Variants in CD96 observed in about 807,000 individuals in gnomAD.
CD96 encodes the protein T-cell surface protein tactile.
CD96 carries 70 observed loss-of-function variants against 71.3 expected under a neutral mutation model. That is an observed-to-expected ratio of 0.98 (90% CI 0.81 to 1.20). CD96 has a LOEUF of 1.20. Among genes scored for constraint, CD96 ranks in the 50% most tolerant of loss-of-function variants. The pLI is 0.00. For synonymous variants in CD96, 248 were observed against 233.0 expected, an observed-to-expected ratio of 1.06 and a Z score of -0.59; for missense variants, 742 against 677.5, an observed-to-expected ratio of 1.10 and a Z score of -1.06.
At chr3:111,645,559 C>A (rs1939791413) in intron 12 of CD96, among the ~76,000 whole-genome samples, 1 of 152,054 alleles carries the variant, frequency 6.6e-6, no homozygotes, top group Admixed American at 6.6e-5. Context: ...TTTCCTTTAT[C>A]TAAAACTTTG....
downstream of CD96, among the ~76,000 whole-genome samples, chr3:111,653,307 T>C (rs577620907): frequency 1.3e-5 from 2 of 152,318 alleles, no homozygotes; most frequent in Admixed American, 6.5e-5. Context: ...AAGTTAGATA[T>C]TATTGCATGC....
chr3:111,628,259 T>C (rs558819862), intron 10 of CD96, among the ~76,000 whole-genome samples: 1 of 152,178 alleles, frequency 6.6e-6, no homozygotes, highest in Admixed American at 6.5e-5. Context: ...TGTAACCCAA[T>C]GCAAAGAAGC....
chr3:111,657,374 C>T (rs1267428041), intron 14 of CD96, among the ~76,000 whole-genome samples: 6 of 151,664 alleles, frequency 4.0e-5, no homozygotes, highest in East Asian at 1.9e-4. Flanking sequence ...GCTATCACAC[C>T]GCTGCACTCC....
At chr3:111,586,215 C>G (rs1052789494) in intron 5 of CD96, among the ~76,000 whole-genome samples, 5 of 152,022 alleles carry the variant, frequency 3.3e-5, no homozygotes, top group African/African-American at 1.2e-4. Flanking sequence ...ATGACTTTAG[C>G]CAAGCTTTTA....
intron 10 of CD96, chr3:111,633,901 G>C (rs759167760): frequency 3.3e-5 from 5 of 152,552 alleles, no homozygotes; most frequent in Non-Finnish European, 5.9e-5. Context: ...GAAAACAGAA[G>C]AACTCAGAAT....
Position 111,567,560 on chromosome 3 carries a change from AAT to A in CD96, c.458_459del (p.Ile153ArgfsTer14). The A allele has an allele frequency of 6.2e-7, 1 of 1,604,764 alleles. No individual in the cohort carries two copies. The highest frequency in any genetic ancestry group is 8.5e-7 in the Non-Finnish European group (1 of 1,171,566). On this transcript the variant is annotated frameshift_variant, in exon 3 of 14. Transcript: ENST00000352690. LOFTEE classifies it high-confidence loss of function. ...AATGGAACAGCAACCATACGATAGAAATAGAGATAAATCAGACTCTGGAAATA... is the reference window on the plus strand; with the variant it reads ...AATGGAACAGCAACCATACGATAGAAAGAGATAAATCAGACTCTGGAAATA... ...DEWNSNHTIE[I>X]EINQTLEIPC...
At chr3:111,570,841 C>T in intron 3 of CD96, 1 of 1,612,188 alleles carries the variant, frequency 6.2e-7, no homozygotes, top group Non-Finnish European at 8.5e-7. Context: ...AGGCTTGTGG[C>T]TCCAGGGTGC....
downstream of CD96, among the ~76,000 whole-genome samples, chr3:111,656,905 A>G (rs1240664975): frequency 1.3e-5 from 2 of 152,252 alleles, no homozygotes; most frequent in East Asian, 3.9e-4. Context: ...AGTGTGACGG[A>G]TATATGGAGA....
chr3:111,638,587 A>G (rs1040151723), intron 12 of CD96, among the ~76,000 whole-genome samples: 11 of 152,214 alleles, frequency 7.2e-5, no homozygotes, highest in African/African-American at 2.4e-4. Flanking sequence ...CTATAATTCA[A>G]CTAATATAAT....
chr3:111,585,972 T>G lies in CD96; in HGVS notation c.807+594T>G, dbSNP rs527768041. Among the ~76,000 whole-genome samples the G allele has an allele frequency of 2.0e-5, 3 of 152,296 alleles. No individual in the cohort carries two copies. The South Asian group carries it at 6.2e-4, about 32-fold the overall frequency. ...GATCTGGACTCAATTTCTCGCTCTT[T>G]CTCTTGCGAGCTGTGACCTTGGGCA... On this transcript the variant is annotated intron_variant, in intron 5 of 13. Coordinates refer to ENST00000352690, the MANE Select transcript of CD96 (RefSeq NM_005816.5).
intron 3 of CD96, 141 bp from the exon 4 acceptor site, chr3:111,578,886 T>C: frequency 1.5e-6 from 1 of 688,866 alleles, no homozygotes; most frequent in Non-Finnish European, 2.7e-6. Flanking sequence ...TCTCTAGTAA[T>C]ATACTAAATG....
At chr3:111,591,141 G>A (rs866755305) in intron 5 of CD96, among the ~76,000 whole-genome samples, 2 of 152,090 alleles carry the variant, frequency 1.3e-5, no homozygotes, top group African/African-American at 2.4e-5. Context: ...TTGGGAGGCC[G>A]AGGTGCGCGG....
At chr3:111,663,986 G>A (rs773841593) in intron 14 of CD96, among the ~76,000 whole-genome samples, 6 of 152,066 alleles carry the variant, frequency 3.9e-5, no homozygotes, top group East Asian at 1.9e-4. Flanking sequence ...TCCTGACCTC[G>A]TGATCTTCCT....
chr3:111,645,524 A>T (rs7614126), intron 12 of CD96, among the ~76,000 whole-genome samples: 151,804 of 151,852 alleles, frequency 1, 75,878 homozygotes, highest in Middle Eastern at 1. Context: ...TATGGAAAAA[A>T]AAAATAAAAT....
chr3:111,663,793 G>A (rs1940413285), intron 14 of CD96, among the ~76,000 whole-genome samples: 1 of 147,370 alleles, frequency 6.8e-6, no homozygotes, highest in African/African-American at 2.5e-5. Flanking sequence ...CTGTTGCCCA[G>A]GCTGGAGTGC....
chr3:111,599,818 T>C (rs1192455071), intron 6 of CD96, among the ~76,000 whole-genome samples: 1 of 152,242 alleles, frequency 6.6e-6, no homozygotes, highest in Non-Finnish European at 1.5e-5. Flanking sequence ...CTAGATTTTG[T>C]GGTCAGAATT....
intron 2 of CD96, among the ~76,000 whole-genome samples, chr3:111,554,986 A>C (rs187765871): frequency 2.5e-4 from 38 of 151,956 alleles, no homozygotes; most frequent in Non-Finnish European, 3.1e-4. Flanking sequence ...TAGAGTTCGC[A>C]CTCCTATGAA....
chr3:111,644,766 A>T (rs949384788), intron 12 of CD96, among the ~76,000 whole-genome samples: 1 of 152,192 alleles, frequency 6.6e-6, no homozygotes, highest in Non-Finnish European at 1.5e-5. Flanking sequence ...ATATGAAAAA[A>T]TGCTCAACAT....
chr3:111,639,518 C>T (rs1939495486), intron 12 of CD96, among the ~76,000 whole-genome samples: 3 of 152,174 alleles, frequency 2.0e-5, no homozygotes. Flanking sequence ...CCTAGCCCTG[C>T]CCCGACCTGA....
Sources: allele counts gnomAD v4.1 joint callset (sites outside exome capture counted in the v4.1 genomes callset), GRCh38; gene constraint gnomAD v4.1.1; transcripts MANE v1.5; gene names NCBI Gene and HGNC (gene_info 2026-07-23, HGNC 2026-07-21).